Variants in VPS13B observed in about 807,000 individuals in gnomAD.
VPS13B encodes the protein intermembrane lipid transfer protein VPS13B.
A neutral mutation model predicts 426.4 loss-of-function variants in VPS13B; 285 were observed. That is an observed-to-expected ratio of 0.67 (90% CI 0.61 to 0.74). VPS13B has a LOEUF of 0.74. Ranked by LOEUF, VPS13B falls within the 30% of genes least tolerant of loss-of-function variation. VPS13B has a pLI of 0.00. For synonymous variants in VPS13B, 1,676 were observed against 1,676.4 expected, an observed-to-expected ratio of 1.00 and a Z score of 0.01; for missense variants, 4,537 against 4,782.6, an observed-to-expected ratio of 0.95 and a Z score of 1.51.
At chr8:99,463,854 G>C (rs1320450067) in intron 23 of VPS13B, among the ~76,000 whole-genome samples, 2 of 151,892 alleles carry the variant, frequency 1.3e-5, no homozygotes, top group Admixed American at 6.6e-5. Context: ...CACCATGTCT[G>C]GCTAATTTTT....
chr8:99,572,826 G>A (rs1190502300), intron 31 of VPS13B, among the ~76,000 whole-genome samples: 1 of 152,128 alleles, frequency 6.6e-6, no homozygotes, highest in Admixed American at 6.5e-5. Flanking sequence ...CCAGTAATGG[G>A]ATGGCTGGGT....
At chr8:99,753,517 G>A (rs1810497177) in intron 39 of VPS13B, among the ~76,000 whole-genome samples, 2 of 152,236 alleles carry the variant, frequency 1.3e-5, no homozygotes, top group South Asian at 2.1e-4. Context: ...TAGTAAAGTT[G>A]CCCCTGCTCT....
chr8:99,643,490 A>G (rs915508185), intron 34 of VPS13B, among the ~76,000 whole-genome samples: 1 of 152,128 alleles, frequency 6.6e-6, no homozygotes, highest in African/African-American at 2.4e-5. Context: ...GCCTGAGGAA[A>G]TAGGATCAAA....
chr8:99,385,654 G>A (rs963184978), intron 20 of VPS13B, among the ~76,000 whole-genome samples: 2 of 152,098 alleles, frequency 1.3e-5, no homozygotes, highest in African/African-American at 4.8e-5. Flanking sequence ...GAATCTTAAG[G>A]GATATAGTAA....
chr8:99,855,066 G>A (rs1304981640), intron 56 of VPS13B, among the ~76,000 whole-genome samples: 1 of 152,058 alleles, frequency 6.6e-6, no homozygotes, highest in Non-Finnish European at 1.5e-5. Flanking sequence ...TTTTATAGAG[G>A]GACTACTGTG....
chr8:99,384,024 A>G (rs1035073176), intron 19 of VPS13B, among the ~76,000 whole-genome samples, 184 bp from the exon 20 acceptor site: 2 of 152,176 alleles, frequency 1.3e-5, no homozygotes, highest in African/African-American at 4.8e-5. Flanking sequence ...GTATTTTCCA[A>G]AGTGGGTGTA....
At chr8:99,767,014 AATG>A (rs1259425349) in intron 40 of VPS13B, 44 bp downstream of exon 40, 1 of 1,586,414 alleles carries the variant, frequency 6.3e-7, no homozygotes, top group Non-Finnish European at 8.6e-7. Flanking sequence ...ACTGGGAAAC[AATG>A]ATAAGTCATC....
intron 19 of VPS13B, among the ~76,000 whole-genome samples, chr8:99,336,569 G>A (rs972971426): frequency 2.0e-5 from 3 of 151,490 alleles, no homozygotes; most frequent in South Asian, 2.1e-4. Context: ...CCATCAGAGT[G>A]CAGGCAACCT....
intron 33 of VPS13B, among the ~76,000 whole-genome samples, chr8:99,635,345 GAT>G (rs1829027424): frequency 6.6e-6 from 1 of 151,816 alleles, no homozygotes; most frequent in Admixed American, 6.6e-5. Context: ...TAATTTATAA[GAT>G]ATGAAATATA....
chr8:99,871,636 G>A lies in VPS13B; in HGVS notation c.11684G>A (p.Ser3895Asn), dbSNP rs1405707801. 1 of 1,614,180 alleles carries A rather than the reference G, an allele frequency of 6.2e-7. No homozygotes were observed. Among genetic ancestry groups the A allele is most frequent in the Non-Finnish European group, 8.5e-7 (1 of 1,180,052 alleles). The change falls in exon 61 of 62, where the codon AGC (serine) becomes AAC (asparagine). Residue 3895 changes from serine (S) to asparagine (N), a missense_variant. Ser to Asn is a conservative substitution (Grantham distance 46, BLOSUM62 1). Around this residue, in one of 2 missense-constraint regions of VPS13B, gnomAD observed 4,311 missense variants for 4,474.3 expected, o/e 0.96. Transcript: ENST00000357162. ...ACAGAAATCGACTGTGCACAGGACA[G>A]CAAGCAGAACAACTTACTCACAGTG... is the stretch of plus-strand genomic sequence containing the variant. ...PVTEIDCAQD[S>N]KQNNLLTVQL...
chr8:99,710,774 G>C (rs1832678900), intron 36 of VPS13B, among the ~76,000 whole-genome samples: 1 of 150,434 alleles, frequency 6.6e-6, no homozygotes, highest in Non-Finnish European at 1.5e-5. Context: ...GGCAGATAAT[G>C]AGGTCAAGGG....
At chr8:99,727,405 T>C (rs1204418762) in intron 39 of VPS13B, among the ~76,000 whole-genome samples, 2 of 152,214 alleles carry the variant, frequency 1.3e-5, no homozygotes, top group African/African-American at 4.8e-5. Flanking sequence ...TAGTCTGTTT[T>C]CACACTGCTG....
intron 8 of VPS13B, among the ~76,000 whole-genome samples, chr8:99,125,123 A>C (rs1274655329): frequency 6.6e-6 from 1 of 152,188 alleles, no homozygotes; most frequent in Admixed American, 6.5e-5. Context: ...GGCCGTCTGC[A>C]AGTTGAGGAG....
chr8:99,696,622 G>C (rs1447383028), intron 35 of VPS13B: 1 of 665,900 alleles, frequency 1.5e-6, no homozygotes. Context: ...AAGGAGCTTC[G>C]GGTCAACCTG....
chr8:99,337,561 C>A (rs1476693384), intron 19 of VPS13B, among the ~76,000 whole-genome samples: 1 of 151,292 alleles, frequency 6.6e-6, no homozygotes, highest in Non-Finnish European at 1.5e-5. Flanking sequence ...AGGTCTTTTG[C>A]CCATTTTATG....
intron 21 of VPS13B, among the ~76,000 whole-genome samples, chr8:99,414,589 C>G (rs951847200): frequency 6.6e-6 from 1 of 152,142 alleles, no homozygotes; most frequent in African/African-American, 2.4e-5. Context: ...ATGCTTCGTT[C>G]AGAAGCTCTT....
At chr8:99,861,145 C>G (rs1360819657) in intron 57 of VPS13B, among the ~76,000 whole-genome samples, 1 of 152,218 alleles carries the variant, frequency 6.6e-6, no homozygotes, top group Non-Finnish European at 1.5e-5. Flanking sequence ...GGCATCAATA[C>G]TGTTTTAACC....
At chr8:99,460,222 C>T (rs908191169) in intron 23 of VPS13B, among the ~76,000 whole-genome samples, 4 of 151,680 alleles carry the variant, frequency 2.6e-5, no homozygotes, top group African/African-American at 7.3e-5. Flanking sequence ...TTTAGTGTAC[C>T]ATTTAATTTT....
At chr8:99,282,764 C>T (rs192281816) in intron 19 of VPS13B, among the ~76,000 whole-genome samples, 18 of 152,158 alleles carry the variant, frequency 1.2e-4, no homozygotes, top group African/African-American at 2.4e-4. Flanking sequence ...TTCCTCTTAA[C>T]GTATCTTTAA....
Sources: gnomAD v4.1 joint callset for allele counts (sites outside exome capture counted in the v4.1 genomes callset) on GRCh38, gnomAD v4.1.1 for gene constraint, gnomAD v4.1.1 regional missense constraint, MANE v1.5 for transcripts, NCBI Gene and HGNC (gene_info 2026-07-23, HGNC 2026-07-21) for gene names.